The following ITGA8 variants were observed in gnomAD, a reference collection of about 807,000 sequenced individuals.
ITGA8 encodes integrin alpha-8.
In ITGA8, 91 loss-of-function variants were observed where a neutral mutation model predicts 142.3. The observed-to-expected ratio is 0.64, with a 90% CI of 0.54 to 0.76. The LOEUF is 0.76. ITGA8 is among the 30% of genes least tolerant of loss of function. The pLI is 0.00. For missense variants in ITGA8, 1,406 were observed against 1,327.7 expected (o/e 1.06, Z -0.92); for synonymous variants, 505 against 485.2 (o/e 1.04, Z -0.54).
chr10:15,705,853 TC>T (rs1399633699), intron 2 of ITGA8, among the ~76,000 whole-genome samples: 2 of 152,194 alleles, frequency 1.3e-5, no homozygotes, highest in African/African-American at 4.8e-5. Context: ...GGTGGCTCCT[TC>T]CTTGTGTTTT....
At chr10:15,586,526 A>G (rs529144368) in intron 23 of ITGA8, 58 bp downstream of exon 23, 18 of 1,005,416 alleles carry the variant, frequency 1.8e-5, no homozygotes, top group East Asian at 1.7e-4. Context: ...TTTCACTAGT[A>G]TTTTATCTTA....
chr10:15,552,082 A>T (rs1417123305), intron 26 of ITGA8, among the ~76,000 whole-genome samples: 1 of 152,208 alleles, frequency 6.6e-6, no homozygotes, highest in East Asian at 1.9e-4. Context: ...GTCTCAGTGT[A>T]CTAATGAGAC....
At chr10:15,582,385 C>T (rs796493522) in intron 23 of ITGA8, among the ~76,000 whole-genome samples, 6 of 152,238 alleles carry the variant, frequency 3.9e-5, no homozygotes, top group African/African-American at 1.4e-4. Flanking sequence ...GACTTTGGAA[C>T]AGTATTATTT....
intron 2 of ITGA8, among the ~76,000 whole-genome samples, chr10:15,708,015 A>G (rs1010828360): frequency 3.5e-5 from 5 of 144,760 alleles, no homozygotes; most frequent in Non-Finnish European, 7.6e-5. Flanking sequence ...TGTCCTCTTG[A>G]CCTTCGCTTT....
At chr10:15,629,000 C>T (rs974986596) in intron 13 of ITGA8, among the ~76,000 whole-genome samples, 6 of 151,902 alleles carry the variant, frequency 3.9e-5, no homozygotes, top group African/African-American at 7.3e-5. Context: ...TAAGGAGCTG[C>T]AAGTGCGGCC....
intron 2 of ITGA8, among the ~76,000 whole-genome samples, chr10:15,694,656 ATAT>A (rs1231983133): frequency 6.2e-5 from 6 of 97,058 alleles, no homozygotes; most frequent in Admixed American, 1.3e-4. Flanking sequence ...ATTTTAATAT[ATAT>A]TATATCTATA....
intron 27 of ITGA8, 65 bp from the exon 28 acceptor site, chr10:15,531,216 C>T: frequency 1.3e-6 from 1 of 795,110 alleles, no homozygotes; most frequent in Non-Finnish European, 1.8e-6. Flanking sequence ...TACTGGCAGC[C>T]ACCTAATTAT....
chr10:15,549,697 C>T (rs1214161144), intron 26 of ITGA8, among the ~76,000 whole-genome samples: 1 of 152,082 alleles, frequency 6.6e-6, no homozygotes, highest in Non-Finnish European at 1.5e-5. Context: ...TGTGAGTACT[C>T]AATAAAAATC....
At chr10:15,687,152 C>A (rs1380697047) in intron 3 of ITGA8, among the ~76,000 whole-genome samples, 3 of 152,102 alleles carry the variant, frequency 2.0e-5, no homozygotes, top group South Asian at 2.1e-4. Context: ...ATGTCAAAAT[C>A]TTTTTGGGGT....
chr10:15,636,621 C>T (rs987114882), intron 13 of ITGA8, among the ~76,000 whole-genome samples: 4 of 152,042 alleles, frequency 2.6e-5, no homozygotes, highest in African/African-American at 9.7e-5. Context: ...TCTTTTACAC[C>T]CACCTCTTCC....
intron 1 of ITGA8, 26 bp downstream of exon 1, chr10:15,719,537 G>A (rs781011430): frequency 2.6e-6 from 4 of 1,522,594 alleles, no homozygotes; most frequent in South Asian, 1.3e-5. Context: ...GTCCCCGCGC[G>A]CACCTCCCCG....
chr10:15,637,012 G>A (rs1833782856), intron 13 of ITGA8, among the ~76,000 whole-genome samples: 1 of 152,170 alleles, frequency 6.6e-6, no homozygotes, highest in South Asian at 2.1e-4. Context: ...GGGCGTGGTG[G>A]CACACGCCCA....
At chr10:15,592,631 G>T (rs189683061) in intron 21 of ITGA8, among the ~76,000 whole-genome samples, 11 of 152,286 alleles carry the variant, frequency 7.2e-5, no homozygotes, top group Admixed American at 4.6e-4. Context: ...TTGAGACAGG[G>T]TCTCGCTCCG....
intron 14 of ITGA8, 138 bp from the exon 15 acceptor site, chr10:15,613,905 C>T (rs746211286): frequency 4.7e-5 from 29 of 621,322 alleles, no homozygotes; most frequent in Non-Finnish European, 7.7e-5. Flanking sequence ...AGCATTTGTG[C>T]CAAGAATTTT....
At chr10:15,593,999 A>G (rs937886050) in intron 21 of ITGA8, among the ~76,000 whole-genome samples, 26 of 151,716 alleles carry the variant, frequency 1.7e-4, no homozygotes, top group East Asian at 1.9e-4. Flanking sequence ...GTGCCACCAC[A>G]CCCAGCAATT....
At chr10:15,634,802 G>A (rs141854332) in intron 13 of ITGA8, among the ~76,000 whole-genome samples, 19 of 152,120 alleles carry the variant, frequency 1.2e-4, no homozygotes, top group Non-Finnish European at 1.9e-4. Context: ...GGTGAAATTC[G>A]ATAGAATTTC....
At chr10:15,640,368 T>C (rs144863956) in intron 13 of ITGA8, among the ~76,000 whole-genome samples, 139 of 152,294 alleles carry the variant, frequency 9.1e-4, no homozygotes, top group African/African-American at 3.0e-3. Context: ...TGGGGTATGC[T>C]GATGTTATCG....
At chr10:15,603,954 G>A (rs1467350544) in intron 20 of ITGA8, among the ~76,000 whole-genome samples, 2 of 152,150 alleles carry the variant, frequency 1.3e-5, no homozygotes, top group African/African-American at 4.8e-5. Flanking sequence ...CTTTCAGCCA[G>A]TCTTGTTCTC....
Position 15,560,818 on chromosome 10 carries a change from T to C in ITGA8, c.2638-2616A>G, listed in dbSNP as rs1370331185. Among the ~76,000 whole-genome samples, 3 of 152,108 alleles carry C rather than the reference T, an allele frequency of 2.0e-5. No individual in the cohort carries two copies. In the East Asian group the frequency reaches 5.8e-4, roughly 29 times the overall value. ...AAGGGCAGTCCTCAAAGTGTTAGAG[T>C]AGTGGAGATCCGATGATATTAAGGA... is the stretch of plus-strand genomic sequence containing the variant. On this transcript the variant is annotated intron_variant, in intron 25 of 29. Transcript: ENST00000378076.
Sources: allele counts gnomAD v4.1 joint callset (sites outside exome capture counted in the v4.1 genomes callset), GRCh38; gene constraint gnomAD v4.1.1; transcripts MANE v1.5; gene names NCBI Gene and HGNC (gene_info 2026-07-23, HGNC 2026-07-21).